Variants in DACH2 observed in about 807,000 individuals in gnomAD.
DACH2 encodes dachshund homolog 2.
DACH2 carries 17 observed loss-of-function variants against 35.8 expected under a neutral mutation model. The observed-to-expected ratio is 0.48, with a 90% CI of 0.33 to 0.71. The LOEUF (loss-of-function observed/expected upper bound fraction) is 0.71, where lower values mean the gene tolerates loss of function less well. Ranked by LOEUF, DACH2 falls within the 30% of genes least tolerant of loss-of-function variation. The probability of loss-of-function intolerance (pLI) is 0.02; values close to 1 mark genes in which losing one functional copy is unlikely to be tolerated. For missense variants in DACH2, 469 were observed against 472.7 expected, an observed-to-expected ratio of 0.99 and a Z score of 0.07; for synonymous variants, 195 against 177.3, an observed-to-expected ratio of 1.10 and a Z score of -0.79.
At chrX:86,481,700 T>A (rs1167295258) in intron 2 of DACH2, 1 of 112,082 alleles carries the variant, frequency 8.9e-6, no homozygotes, top group African/African-American at 3.2e-5. Flanking sequence ...AAGTTTACAT[T>A]GTGCTCACAG....
chrX:86,347,910 C>T (rs754185102), intron 1 of DACH2, among the ~76,000 whole-genome samples: 1 of 111,969 alleles, frequency 8.9e-6, no homozygotes, highest in East Asian at 2.8e-4. Flanking sequence ...TATAAACTTT[C>T]TGTTGCAGAT....
intron 4 of DACH2, among the ~76,000 whole-genome samples, chrX:86,656,363 T>C (rs6617254): frequency 0.11 from 11,617 of 110,491 alleles, 539 homozygotes; most frequent in South Asian, 0.33. Flanking sequence ...GATCCCAACC[T>C]CTCATACTAC....
At chrX:86,152,651 C>G in intron 1 of DACH2, among the ~76,000 whole-genome samples, 1 of 111,785 alleles carries the variant, frequency 8.9e-6, no homozygotes, top group Non-Finnish European at 1.9e-5. Flanking sequence ...AGGTTTACAT[C>G]ACTGTAATTT....
intron 1 of DACH2, among the ~76,000 whole-genome samples, chrX:86,259,406 T>C (rs1328488864): frequency 9.0e-6 from 1 of 111,664 alleles, no homozygotes; most frequent in Admixed American, 9.6e-5. Context: ...CAATGATTTA[T>C]GGGGATATAG....
chrX:86,402,863 A>C (rs1191133857), intron 2 of DACH2, among the ~76,000 whole-genome samples: 1 of 112,002 alleles, frequency 8.9e-6, no homozygotes, highest in South Asian at 3.7e-4. Context: ...GGAACAGAAA[A>C]CTAAGAAATA....
intron 3 of DACH2, among the ~76,000 whole-genome samples, chrX:86,585,516 C>A (rs1445094013): frequency 9.1e-6 from 1 of 109,965 alleles, no homozygotes. Flanking sequence ...AGCATAGTAC[C>A]CTATAGGTAT....
At chrX:86,224,986 G>A (rs2032790628) in intron 1 of DACH2, among the ~76,000 whole-genome samples, 2 of 111,651 alleles carry the variant, frequency 1.8e-5, no homozygotes, top group South Asian at 7.4e-4. Context: ...ACAGGAAATG[G>A]AAATGTTCCT....
Position 86,417,497 on chromosome X carries a change from G to A in DACH2, c.527+40635G>A, listed in dbSNP as rs777019995. 3.0e-4 allele frequency among the ~76,000 whole-genome samples: 32 copies of A among 106,410 alleles called. No homozygotes were observed. In the East Asian group the frequency reaches 3.7e-3, roughly 12 times the overall value. 92.4% of individuals were successfully genotyped at this position (106,410 alleles called of 115,157 possible). On this transcript the variant is annotated intron_variant, in intron 2 of 11. Coordinates refer to ENST00000373125, the MANE Select transcript of DACH2 (RefSeq NM_053281.3). Reference sequence around the variant, plus strand: ...CAAGTCACATCCTACATGGATGGCAGCAGGCAAGAGAGAGAACTTGTGCCG... The same window carrying A: ...CAAGTCACATCCTACATGGATGGCAACAGGCAAGAGAGAGAACTTGTGCCG...
intron 4 of DACH2, among the ~76,000 whole-genome samples, chrX:86,690,186 A>G (rs2040993488): frequency 9.0e-6 from 1 of 111,630 alleles, no homozygotes; most frequent in African/African-American, 3.2e-5. Context: ...TTTATTTAGA[A>G]CCTTACTGCT....
intron 3 of DACH2, among the ~76,000 whole-genome samples, chrX:86,532,967 C>A (rs1244990683): frequency 9.0e-6 from 1 of 111,710 alleles, no homozygotes; most frequent in Non-Finnish European, 1.9e-5. Flanking sequence ...ATAACAAAAA[C>A]CATAATTTGC....
At chrX:86,697,375 A>T (rs2041079618) in intron 5 of DACH2, among the ~76,000 whole-genome samples, 4 of 111,218 alleles carry the variant, frequency 3.6e-5, no homozygotes, top group African/African-American at 1.3e-4. Context: ...GCAACCATTT[A>T]TGATAGCCTA....
At chrX:86,192,852 A>G (rs2031871497) in intron 1 of DACH2, among the ~76,000 whole-genome samples, 1 of 112,476 alleles carries the variant, frequency 8.9e-6, no homozygotes, top group African/African-American at 3.2e-5. Flanking sequence ...GTAGAAGTTT[A>G]GAAAAGGAAG....
At chrX:86,316,031 A>G (rs1374063285) in intron 1 of DACH2, among the ~76,000 whole-genome samples, 1 of 110,924 alleles carries the variant, frequency 9.0e-6, no homozygotes, top group East Asian at 2.8e-4. Flanking sequence ...CAGGTGTGCT[A>G]TCTTTTTAGA....
chrX:86,676,002 G>C, intron 4 of DACH2, among the ~76,000 whole-genome samples: 1 of 111,854 alleles, frequency 8.9e-6, no homozygotes, highest in Non-Finnish European at 1.9e-5. Flanking sequence ...CTGAACATGT[G>C]TGTGCACATA....
At chrX:86,599,921 T>C (rs1056544797) in intron 3 of DACH2, among the ~76,000 whole-genome samples, 1 of 111,725 alleles carries the variant, frequency 9.0e-6, no homozygotes, top group Non-Finnish European at 1.9e-5. Flanking sequence ...ATAGAGCTAC[T>C]ACCATATGAC....
chrX:86,796,036 GC>G (rs1184796339), intron 7 of DACH2, among the ~76,000 whole-genome samples: 3 of 111,992 alleles, frequency 2.7e-5, no homozygotes, highest in African/African-American at 9.7e-5. Context: ...TGAGCGGGTT[GC>G]CGCTGCTGGC....
intron 1 of DACH2, among the ~76,000 whole-genome samples, chrX:86,333,218 A>G (rs2035243429): frequency 8.9e-6 from 1 of 112,170 alleles, no homozygotes; most frequent in Non-Finnish European, 1.9e-5. Flanking sequence ...AATGACCATT[A>G]AATCTATTTT....
At chrX:86,570,567 A>G (rs1332559976) in intron 3 of DACH2, among the ~76,000 whole-genome samples, 1 of 110,481 alleles carries the variant, frequency 9.1e-6, no homozygotes, top group African/African-American at 3.3e-5. Flanking sequence ...GGAGAGGAAC[A>G]ACACACACTG....
chrX:86,302,865 T>A (rs2034600829), intron 1 of DACH2, among the ~76,000 whole-genome samples: 1 of 109,882 alleles, frequency 9.1e-6, no homozygotes. Context: ...TTTTGCAAGT[T>A]TGAAAAGATG....
Sources: allele counts gnomAD v4.1 joint callset (sites outside exome capture counted in the v4.1 genomes callset), GRCh38; gene constraint gnomAD v4.1.1; transcripts MANE v1.5; gene names NCBI Gene and HGNC (gene_info 2026-07-23, HGNC 2026-07-21).